Variants in TRPM7 observed in about 807,000 individuals in gnomAD.
The protein encoded by TRPM7 is transient receptor potential cation channel subfamily M member 7, also known as LTRPC ion channel family member 7.
A neutral mutation model predicts 229.7 loss-of-function variants in TRPM7; 134 were observed. The ratio of observed to expected loss-of-function variants is 0.58; its 90% CI spans 0.51 to 0.67. The LOEUF (loss-of-function observed/expected upper bound fraction) is 0.67, where lower values mean the gene tolerates loss of function less well. TRPM7 is among the 30% of genes least tolerant of loss of function. TRPM7 has a pLI of 0.00. For synonymous variants in TRPM7, 699 were observed against 715.2 expected (o/e 0.98, Z 0.36); for missense variants, 1,901 against 2,210.0 (o/e 0.86, Z 2.80).
intron 13 of TRPM7, 126 bp from the exon 14 acceptor site, chr15:50,614,389 G>T: frequency 1.1e-6 from 1 of 870,098 alleles, no homozygotes; most frequent in Non-Finnish European, 1.7e-6. Context: ...CAAGGGCCAG[G>T]TGCAGTGGCT....
intron 38 of TRPM7, among the ~76,000 whole-genome samples, chr15:50,564,697 A>C (rs918764642): frequency 2.0e-5 from 3 of 152,164 alleles, no homozygotes; most frequent in Non-Finnish European, 4.4e-5. Context: ...TTTTTTAAAA[A>C]ATAAAAATAT....
At chr15:50,576,054 A>C in intron 31 of TRPM7, 135 bp from the exon 32 acceptor site, 1 of 825,976 alleles carries the variant, frequency 1.2e-6, no homozygotes, top group Non-Finnish European at 1.9e-6. Context: ...AAAATTAGGG[A>C]TAAAATATGT....
intron 1 of TRPM7, among the ~76,000 whole-genome samples, chr15:50,666,004 A>C (rs2061869258): frequency 6.6e-6 from 1 of 151,906 alleles, no homozygotes; most frequent in Non-Finnish European, 1.5e-5. Context: ...AAAAATAATA[A>C]TTTAAAAAAA....
At chr15:50,666,795 C>G (rs948449650) in intron 1 of TRPM7, among the ~76,000 whole-genome samples, 2 of 151,878 alleles carry the variant, frequency 1.3e-5, no homozygotes, top group African/African-American at 4.8e-5. Context: ...AGAGCAAAAA[C>G]TGTCTCCAAA....
intron 12 of TRPM7, among the ~76,000 whole-genome samples, chr15:50,623,797 GA>G (rs11455584): frequency 0.19 from 27,484 of 142,698 alleles, 3,199 homozygotes; most frequent in East Asian, 0.47. Flanking sequence ...TGTAAAAAAA[GA>G]AAAAAAAAAA....
chr15:50,648,633 T>C, intron 4 of TRPM7, 54 bp downstream of exon 4: 4 of 1,476,820 alleles, frequency 2.7e-6, no homozygotes, highest in Middle Eastern at 1.8e-4. Flanking sequence ...CAAATTGTGA[T>C]GTTTATTATT....
chr15:50,670,040 T>A (rs989561347), intron 1 of TRPM7, among the ~76,000 whole-genome samples: 5 of 152,212 alleles, frequency 3.3e-5, no homozygotes, highest in African/African-American at 1.2e-4. Context: ...CTTTCAGATA[T>A]CATGTTTTGT....
At chr15:50,639,175 T>G (rs2061010879) in intron 6 of TRPM7, among the ~76,000 whole-genome samples, 1 of 152,194 alleles carries the variant, frequency 6.6e-6, no homozygotes, top group Non-Finnish European at 1.5e-5. Context: ...ATTTTACACA[T>G]AAAAGACTGA....
At chr15:50,580,828 T>A in intron 30 of TRPM7, 46 bp downstream of exon 30, 1 of 1,540,792 alleles carries the variant, frequency 6.5e-7, no homozygotes, top group Non-Finnish European at 8.7e-7. Context: ...CAACATTCAA[T>A]AACTATGATA....
chr15:50,602,394 G>A lies in TRPM7; in HGVS notation c.2988+2472C>T, dbSNP rs145864877. On this transcript the variant is annotated intron_variant, in intron 21 of 38. Coordinates refer to ENST00000646667, the MANE Select transcript of TRPM7 (RefSeq NM_017672.6). ...ACCGGGGCCTGTCATGGGGTAGGGG[G>A]CAGGGGGAGGGATAGCATTAGGATA... is the stretch of plus-strand genomic sequence containing the variant. Among the ~76,000 whole-genome samples, 13 of 152,234 alleles carry A rather than the reference G, an allele frequency of 8.5e-5. No homozygotes were observed. The East Asian group carries it at 2.5e-3, about 29-fold the overall frequency.
chr15:50,610,278 C>T (rs2060032819), intron 17 of TRPM7, among the ~76,000 whole-genome samples: 1 of 152,010 alleles, frequency 6.6e-6, no homozygotes, highest in Non-Finnish European at 1.5e-5. Flanking sequence ...TCAAAAAATA[C>T]ATTTTGTTTA....
At chr15:50,625,422 A>C (rs558255848) in intron 11 of TRPM7, among the ~76,000 whole-genome samples, 1 of 152,056 alleles carries the variant, frequency 6.6e-6, no homozygotes, top group Non-Finnish European at 1.5e-5. Context: ...TTTTAAGTAT[A>C]TACTTTCTGT....
At chr15:50,643,880 T>C (rs1420642979) in intron 4 of TRPM7, among the ~76,000 whole-genome samples, 1 of 152,070 alleles carries the variant, frequency 6.6e-6, no homozygotes, top group African/African-American at 2.4e-5. Flanking sequence ...TAACTATGAC[T>C]ACACAGTGAG....
At chr15:50,679,971 C>T (rs1216451402) in intron 1 of TRPM7, among the ~76,000 whole-genome samples, 1 of 151,946 alleles carries the variant, frequency 6.6e-6, no homozygotes. Context: ...CGGTGGCTCA[C>T]GCTTGTAATC....
At chr15:50,621,965 G>C (rs1307028766) in intron 12 of TRPM7, among the ~76,000 whole-genome samples, 1 of 152,012 alleles carries the variant, frequency 6.6e-6, no homozygotes, top group Non-Finnish European at 1.5e-5. Flanking sequence ...GGGAGGTGGA[G>C]GTCGCATTGA....
At chr15:50,574,756 A>G in intron 34 of TRPM7, 37 bp from the exon 35 acceptor site, 1 of 1,589,292 alleles carries the variant, frequency 6.3e-7, no homozygotes, top group Non-Finnish European at 8.6e-7. Context: ...CTTGTTTAAT[A>G]TTTAAACTAA....
At chr15:50,575,665 G>T in intron 33 of TRPM7, 59 bp downstream of exon 33, 1 of 1,428,458 alleles carries the variant, frequency 7.0e-7, no homozygotes, top group Non-Finnish European at 9.7e-7. Flanking sequence ...CTATATTATA[G>T]CTAAAAATCA....
At position 50,607,437 on chromosome 15, in the gene TRPM7, A is replaced by C. The variant is rs576386141; in HGVS notation, c.2581-109T>G. The C allele has an allele frequency of 7.9e-5, 70 of 890,002 alleles. No individual in the cohort carries two copies. The East Asian group carries it at 1.8e-3, about 23-fold the overall frequency. 55.1% of individuals were successfully genotyped at this position (890,002 alleles called of 1,614,324 possible). On this transcript the variant is annotated intron_variant, in intron 19 of 38. Transcript: ENST00000646667. ...AACAGACATTAAATGAACCTCTGTA[A>C]ATTATCTCCTAGTTTCCTTTATTAA...
chr15:50,562,795 T>C (rs987950865), intron 38 of TRPM7, among the ~76,000 whole-genome samples: 3 of 150,714 alleles, frequency 2.0e-5, no homozygotes, highest in African/African-American at 4.9e-5. Flanking sequence ...AAAAGTGCTT[T>C]GAAGAGAAGA....
Sources: gnomAD v4.1 joint callset for allele counts (sites outside exome capture counted in the v4.1 genomes callset) on GRCh38, gnomAD v4.1.1 for gene constraint, MANE v1.5 for transcripts, NCBI Gene and HGNC (gene_info 2026-07-23, HGNC 2026-07-21) for gene names.